The following NUP37 variants were observed in gnomAD, a reference collection of about 807,000 sequenced individuals.
NUP37 encodes the protein nucleoporin 37, also known as nucleoporin Nup37.
In NUP37, 33 loss-of-function variants were observed where a neutral mutation model predicts 45.4. The ratio of observed to expected loss-of-function variants is 0.73; its 90% CI spans 0.55 to 0.97. The LOEUF is 0.97. NUP37 is among the 50% of genes least tolerant of loss of function. The probability of loss-of-function intolerance (pLI) is 0.00; values close to 1 mark genes in which losing one functional copy is unlikely to be tolerated. For synonymous variants in NUP37, 127 were observed against 130.7 expected (o/e 0.97, Z 0.19); for missense variants, 365 against 389.7 (o/e 0.94, Z 0.53).
intron 4 of NUP37, among the ~76,000 whole-genome samples, chr12:102,099,748 G>C (rs1183410449): frequency 6.6e-6 from 1 of 152,084 alleles, no homozygotes; most frequent in Non-Finnish European, 1.5e-5. Flanking sequence ...AAAAAATCTC[G>C]ACACAGAAGC....
chr12:102,107,310 G>C (rs116831441), intron 3 of NUP37, among the ~76,000 whole-genome samples: 1 of 152,128 alleles, frequency 6.6e-6, no homozygotes, highest in Admixed American at 6.5e-5. Context: ...CCCAAGTTTT[G>C]ATATCAGAAC....
intron 6 of NUP37, among the ~76,000 whole-genome samples, chr12:102,084,223 G>C (rs1347066857): frequency 6.6e-6 from 1 of 152,156 alleles, no homozygotes; most frequent in Non-Finnish European, 1.5e-5. Flanking sequence ...TTCCCATGAG[G>C]AATAAATAAG....
Position 102,106,640 on chromosome 12 carries a change from C to T in NUP37, c.281+5468G>A, listed in dbSNP as rs73185920. On this transcript the variant is annotated intron_variant, in intron 3 of 9. Transcript: ENST00000552283. ...TACTTTCATTTAACCTAACAAATAC[C>T]TATATTTAATTAACAATGAATTATA... Among the ~76,000 whole-genome samples, 797 of 152,220 alleles carry T rather than the reference C, an allele frequency of 5.2e-3. 4 individuals carry two copies. Among genetic ancestry groups the T allele is most frequent in the South Asian group, 0.013 (61 of 4,828 alleles).
At chr12:102,102,038 T>C (rs1459875555) in intron 3 of NUP37, among the ~76,000 whole-genome samples, 2 of 152,216 alleles carry the variant, frequency 1.3e-5, no homozygotes, top group African/African-American at 4.8e-5. Context: ...AACTACTTTT[T>C]AAACTAGTTT....
At chr12:102,102,267 C>T (rs148673079) in intron 3 of NUP37, among the ~76,000 whole-genome samples, 8 of 152,192 alleles carry the variant, frequency 5.3e-5, no homozygotes, top group South Asian at 2.1e-4. Flanking sequence ...TGTTGGTAGA[C>T]CTTTGCTACT....
chr12:102,115,400 GTCT>G (rs1216934870), intron 2 of NUP37, among the ~76,000 whole-genome samples: 3 of 152,200 alleles, frequency 2.0e-5, no homozygotes, highest in African/African-American at 7.2e-5. Flanking sequence ...TATTCAAGGG[GTCT>G]TCATTAGTGA....
At chr12:102,112,313 C>T in intron 2 of NUP37, 81 bp from the exon 3 acceptor site, 2 of 1,184,752 alleles carry the variant, frequency 1.7e-6, no homozygotes, top group Non-Finnish European at 2.3e-6. Context: ...ATGAATTTAT[C>T]AGGAGGTTAT....
intron 2 of NUP37, chr12:102,115,806 T>C (rs549751010): frequency 1.0e-6 from 1 of 982,156 alleles, no homozygotes; most frequent in South Asian, 4.7e-5. Context: ...AATTTACCTT[T>C]ACTTAGTTTT....
Position 102,112,169 on chromosome 12 carries a change from T to A in NUP37, c.220A>T (p.Arg74Trp). The A allele has an allele frequency of 6.2e-7, 1 of 1,613,866 alleles. No homozygotes were observed. Among genetic ancestry groups the A allele is most frequent in the Non-Finnish European group, 8.5e-7 (1 of 1,179,770 alleles). Reference protein sequence around the residue: ...KTLRTFHHGVRVDGIAWSPET... With the variant: ...KTLRTFHHGVWVDGIAWSPET... Reference sequence around the variant, plus strand: ...GGGCTCCAAGCTATGCCATCAACCCTGACTCCATGGTGAAATGTTCGAAGT... The same window carrying A: ...GGGCTCCAAGCTATGCCATCAACCCAGACTCCATGGTGAAATGTTCGAAGT... Residue 74 changes from arginine (R) to tryptophan (W), a missense_variant, in exon 3 of 10, where the codon AGG (arginine) becomes TGG (tryptophan). Arg to Trp is a moderately radical substitution (Grantham distance 101, BLOSUM62 -3). Transcript: ENST00000552283.
rs1317575979 is a variant in NUP37 at position 102,099,204 on chromosome 12, A to T, written c.355-4T>A. 1 of 1,592,776 alleles carries T rather than the reference A, an allele frequency of 6.3e-7. No homozygotes were observed. The highest frequency in any genetic ancestry group is 8.6e-7 in the Non-Finnish European group (1 of 1,160,814). ...AATCGGTATGGCCCTCTAAAACCTG[A>T]CAGAAAGAGAAACAGAAAGCTTAGC... is the stretch of plus-strand genomic sequence containing the variant. On this transcript the variant is annotated splice_polypyrimidine_tract_variant and splice_region_variant and intron_variant, in intron 4 of 9. Transcript: ENST00000552283.
intron 3 of NUP37, among the ~76,000 whole-genome samples, chr12:102,102,616 T>C (rs2136743025): frequency 6.6e-6 from 1 of 152,318 alleles, no homozygotes; most frequent in African/African-American, 2.4e-5. Flanking sequence ...ACAATTCCAC[T>C]TGTCTAGTTT....
Position 102,118,364 on chromosome 12 carries a change from T to G in NUP37, c.155A>C (p.Gln52Pro), listed in dbSNP as rs1880538892. 6.2e-7 allele frequency: 1 copy of G among 1,612,018 alleles called. No individual in the cohort carries two copies. The highest frequency in any genetic ancestry group is 1.7e-5 in the Admixed American group (1 of 59,586). ...NYVVIGTCTF[Q>P]EEEADVEGIQ... is the part of the protein sequence containing the mutation. ...TTCGGTGCAGTTTTGTAGACTAACC[T>G]GAAACGTACACGTGCCAATGACCAC... Residue 52 changes from glutamine (Q) to proline (P), a missense_variant and splice_region_variant, in exon 2 of 10, where the codon CAG becomes CCG. Coordinates refer to ENST00000552283, the MANE Select transcript of NUP37 (RefSeq NM_024057.4).
Position 102,076,904 on chromosome 12 carries a change from T to C in NUP37, c.723-57A>G, listed in dbSNP as rs1164418153. On this transcript the variant is annotated intron_variant, in intron 7 of 9. Coordinates refer to ENST00000552283, the MANE Select transcript of NUP37 (RefSeq NM_024057.4). ...ATGTGTTAAACTCAAGTGGGTGAAC[T>C]TAAGGTTTAAACAGTATTTTCTCTT... The C allele has an allele frequency of 2.4e-6, 3 of 1,258,742 alleles. No homozygotes were observed. The African/African-American group carries it at 4.5e-5, about 19-fold the overall frequency. 78.0% of individuals were successfully genotyped at this position (1,258,742 alleles called of 1,614,324 possible). A position where few individuals can be genotyped will look rare whatever the true frequency, so the allele number is the denominator to read the frequency against.
intron 3 of NUP37, among the ~76,000 whole-genome samples, chr12:102,106,546 C>A (rs1225071581): frequency 6.6e-6 from 1 of 152,104 alleles, no homozygotes; most frequent in African/African-American, 2.4e-5. Context: ...ACTTCTAATG[C>A]CCTTTGTATT....
At chr12:102,098,080 G>A (rs1879859372) in intron 5 of NUP37, among the ~76,000 whole-genome samples, 2 of 152,248 alleles carry the variant, frequency 1.3e-5, no homozygotes, top group Non-Finnish European at 2.9e-5. Flanking sequence ...GAAACATTAT[G>A]CAAAACAGCA....
In NUP37 at chr12:102,085,803, C is replaced by G. The variant is rs971159505; in HGVS notation, c.503G>C (p.Gly168Ala). 12 of 1,600,400 alleles carry G rather than the reference C, an allele frequency of 7.5e-6. No individual in the cohort carries two copies. The highest frequency in any genetic ancestry group is 9.4e-6 in the Non-Finnish European group (11 of 1,169,524). ...QTAHFVLHSP[G>A]MSVCWHPEET... The stretch of plus-strand genomic sequence containing the variant: ...CTCAGGATGCCAGCACACACTCATG[C>G]CAGGAGAATGAAGAACAAAATGAGC... Residue 168 changes from glycine (G) to alanine (A), a missense_variant, in exon 6 of 10, where the codon GGC (glycine) becomes GCC (alanine). Physicochemically the swap from Gly to Ala is moderately conservative, Grantham distance 60. Transcript: ENST00000552283.
chr12:102,112,664 T>C (rs183378481), intron 2 of NUP37, among the ~76,000 whole-genome samples: 29 of 152,190 alleles, frequency 1.9e-4, no homozygotes, highest in Admixed American at 1.0e-3. Flanking sequence ...GAAAATGGAA[T>C]GCTCTAAAGA....
intron 8 of NUP37, among the ~76,000 whole-genome samples, chr12:102,075,524 T>C (rs892078672): frequency 6.6e-6 from 1 of 152,138 alleles, no homozygotes; most frequent in African/African-American, 2.4e-5. Context: ...ATTTTAATAA[T>C]CCTAAATTTG....
chr12:102,117,281 C>T (rs929966068), intron 2 of NUP37, among the ~76,000 whole-genome samples: 1 of 151,574 alleles, frequency 6.6e-6, no homozygotes, highest in Non-Finnish European at 1.5e-5. Flanking sequence ...TCATGAAACC[C>T]CCTACTAAAA....
Sources: gnomAD v4.1 joint callset for allele counts (sites outside exome capture counted in the v4.1 genomes callset) on GRCh38, gnomAD v4.1.1 for gene constraint, MANE v1.5 for transcripts, NCBI Gene and HGNC (gene_info 2026-07-23, HGNC 2026-07-21) for gene names.